The following SUMF1 variants were observed in gnomAD, a reference collection of about 807,000 sequenced individuals.
The protein encoded by SUMF1 is formylglycine-generating enzyme.
A neutral mutation model predicts 47.6 loss-of-function variants in SUMF1; 48 were observed. That is an observed-to-expected ratio of 1.01 (90% CI 0.80 to 1.28). SUMF1 has a LOEUF of 1.28. Among genes scored for constraint, SUMF1 ranks in the 50% most tolerant of loss-of-function variants. The pLI is 0.00. For missense variants in SUMF1, 571 were observed against 485.4 expected, an observed-to-expected ratio of 1.18 and a Z score of -1.66; for synonymous variants, 230 against 192.1, an observed-to-expected ratio of 1.20 and a Z score of -1.63.
At chr3:4,418,942 C>G (rs996108679) in intron 4 of SUMF1, among the ~76,000 whole-genome samples, 3 of 152,174 alleles carry the variant, frequency 2.0e-5, no homozygotes, top group Non-Finnish European at 4.4e-5. Flanking sequence ...CTACAAATTC[C>G]TAGTCCATTC....
chr3:4,252,985 T>C (rs313675), intron 8 of SUMF1, among the ~76,000 whole-genome samples: 24,970 of 152,226 alleles, frequency 0.16, 2,347 homozygotes, highest in South Asian at 0.38. Context: ...ACTTAGATCA[T>C]CTAGCTTTCA....
At chr3:4,141,806 G>A (rs551681730) in intron 8 of SUMF1, among the ~76,000 whole-genome samples, 35 of 152,260 alleles carry the variant, frequency 2.3e-4, no homozygotes, top group African/African-American at 8.4e-4. Flanking sequence ...CATCCAGCCT[G>A]GGGCAATCCA....
chr3:4,276,949 C>T (rs1697431675), intron 8 of SUMF1, among the ~76,000 whole-genome samples: 1 of 152,108 alleles, frequency 6.6e-6, no homozygotes, highest in Non-Finnish European at 1.5e-5. Flanking sequence ...TTTCAGCCTT[C>T]AGGATGTTCT....
chr3:4,053,825 T>C (rs1471705554), intron 9 of SUMF1, among the ~76,000 whole-genome samples: 1 of 152,154 alleles, frequency 6.6e-6, no homozygotes, highest in Non-Finnish European at 1.5e-5. Context: ...TGTTGGTGAA[T>C]ATTTTCACCT....
chr3:4,218,614 G>C (rs1471272294), intron 8 of SUMF1, among the ~76,000 whole-genome samples: 1 of 152,144 alleles, frequency 6.6e-6, no homozygotes, highest in Non-Finnish European at 1.5e-5. Flanking sequence ...GGATCTGCGT[G>C]AATGCCTGCT....
intron 7 of SUMF1, among the ~76,000 whole-genome samples, chr3:4,381,184 C>T (rs1700492300): frequency 6.6e-6 from 1 of 152,198 alleles, no homozygotes; most frequent in Non-Finnish European, 1.5e-5. Flanking sequence ...AAAGGCACCA[C>T]TAGCGACCTG....
At chr3:4,149,378 C>A (rs764732068) in intron 8 of SUMF1, among the ~76,000 whole-genome samples, 7 of 152,098 alleles carry the variant, frequency 4.6e-5, no homozygotes, top group Non-Finnish European at 7.3e-5. Flanking sequence ...CTTAAACATG[C>A]ACTTCAAAAC....
intron 8 of SUMF1, among the ~76,000 whole-genome samples, chr3:4,163,377 AG>A (rs1404706341): frequency 7.6e-4 from 10 of 13,208 alleles, no homozygotes; most frequent in East Asian, 6.4e-3. Flanking sequence ...GAAGGAAGGA[AG>A]GAAGGGAGGG....
chr3:4,344,406 A>C (rs1357889913), intron 8 of SUMF1, among the ~76,000 whole-genome samples: 1 of 152,136 alleles, frequency 6.6e-6, no homozygotes, highest in Non-Finnish European at 1.5e-5. Context: ...AAGGCCTGAA[A>C]TGAACCCCCA....
intron 8 of SUMF1, among the ~76,000 whole-genome samples, chr3:4,287,409 A>G (rs1024912593): frequency 6.6e-6 from 1 of 150,540 alleles, no homozygotes; most frequent in African/African-American, 2.4e-5. Context: ...ATAAATTGTA[A>G]AAAAAAAAAA....
intron 8 of SUMF1, among the ~76,000 whole-genome samples, chr3:4,270,660 T>A (rs1697285267): frequency 6.6e-6 from 1 of 152,144 alleles, no homozygotes; most frequent in African/African-American, 2.4e-5. Flanking sequence ...TTGCCTCAGA[T>A]TTCAACAAAG....
intron 8 of SUMF1, among the ~76,000 whole-genome samples, chr3:4,163,116 A>G (rs554762984): frequency 7.6e-6 from 1 of 130,846 alleles, no homozygotes; most frequent in Admixed American, 7.7e-5. Flanking sequence ...ACTAAGCAGC[A>G]GCCTGAAAAA....
At chr3:4,326,360 T>C (rs1189476834) in intron 8 of SUMF1, among the ~76,000 whole-genome samples, 1 of 152,120 alleles carries the variant, frequency 6.6e-6, no homozygotes, top group Non-Finnish European at 1.5e-5. Context: ...AGCCAAGAAT[T>C]TGTCTGTGCC....
rs1046305360 is a variant in SUMF1, at chr3:4,430,064, C to T, written c.520-9918G>A. ...AAATGGGAAAATAGGCCCTGAAAAGCGGCAGATAGTGGCAGAGCCAGGAAA... is the reference window on the plus strand; with the variant it reads ...AAATGGGAAAATAGGCCCTGAAAAGTGGCAGATAGTGGCAGAGCCAGGAAA... On this transcript the variant is annotated intron_variant, in intron 3 of 8. Coordinates refer to ENST00000272902, the MANE Select transcript of SUMF1 (RefSeq NM_182760.4). Among the ~76,000 whole-genome samples the T allele has an allele frequency of 3.3e-5, 5 of 152,112 alleles. No homozygotes were observed. The South Asian group carries it at 6.2e-4, about 19-fold the overall frequency.
At chr3:4,177,416 G>C (rs1298030192) in intron 8 of SUMF1, among the ~76,000 whole-genome samples, 1 of 152,134 alleles carries the variant, frequency 6.6e-6, no homozygotes, top group Non-Finnish European at 1.5e-5. Flanking sequence ...CATGGAAATT[G>C]AACAACTCGC....
intron 8 of SUMF1, among the ~76,000 whole-genome samples, chr3:4,178,379 G>C (rs1239770834): frequency 2.0e-5 from 3 of 152,152 alleles, no homozygotes; most frequent in South Asian, 2.1e-4. Context: ...ATGCAAGTCT[G>C]GTTCAACATA....
chr3:4,286,547 A>G (rs1479607937), intron 8 of SUMF1, among the ~76,000 whole-genome samples: 3 of 152,180 alleles, frequency 2.0e-5, no homozygotes, highest in Admixed American at 2.0e-4. Context: ...AATGGTGCTG[A>G]AGGTTTTATT....
intron 8 of SUMF1, among the ~76,000 whole-genome samples, chr3:4,095,421 A>G (rs550454868): frequency 2.6e-5 from 4 of 152,212 alleles, no homozygotes; most frequent in South Asian, 2.1e-4. Context: ...GCTCTGAAGA[A>G]TGAGATTGAT....
At chr3:4,113,533 C>CA (rs1553601253) in intron 8 of SUMF1, among the ~76,000 whole-genome samples, 1 of 151,734 alleles carries the variant, frequency 6.6e-6, no homozygotes, top group East Asian at 1.9e-4. Context: ...CACCGCCCCC[C>CA]ACCCCCAAAA....
Sources: allele counts gnomAD v4.1 joint callset (sites outside exome capture counted in the v4.1 genomes callset), GRCh38; gene constraint gnomAD v4.1.1; transcripts MANE v1.5; gene names NCBI Gene and HGNC (gene_info 2026-07-23, HGNC 2026-07-21).